The following GOLPH3L variants were observed in gnomAD, a reference collection of about 807,000 sequenced individuals.
The protein encoded by GOLPH3L is Golgi phosphoprotein 3-like.
GOLPH3L carries 22 observed loss-of-function variants against 30.3 expected under a neutral mutation model. The ratio of observed to expected loss-of-function variants is 0.73; its 90% CI spans 0.52 to 1.04. GOLPH3L has a LOEUF of 1.04. Among genes scored for constraint, GOLPH3L ranks in the 50% least tolerant of loss-of-function variants. The probability of loss-of-function intolerance (pLI) is 0.00; values close to 1 mark genes in which losing one functional copy is unlikely to be tolerated. For synonymous variants in GOLPH3L, 120 were observed against 128.2 expected (o/e 0.94, Z 0.43); for missense variants, 303 against 345.8 (o/e 0.88, Z 0.98).
At chr1:150,675,503 C>T (rs1650753626) in intron 2 of GOLPH3L, among the ~76,000 whole-genome samples, 1 of 151,954 alleles carries the variant, frequency 6.6e-6, no homozygotes, top group South Asian at 2.1e-4. Flanking sequence ...TGGGGCGTCC[C>T]TTCATAGCAA....
chr1:150,652,606 AG>A (rs1326599940), intron 4 of GOLPH3L, among the ~76,000 whole-genome samples: 1 of 152,098 alleles, frequency 6.6e-6, no homozygotes, highest in Non-Finnish European at 1.5e-5. Context: ...GTGAACAAAC[AG>A]TAAAAGTAAT....
chr1:150,667,591 CTTTCTTTTTTTTTT>C (rs1650536630), intron 2 of GOLPH3L, among the ~76,000 whole-genome samples: 1 of 141,004 alleles, frequency 7.1e-6, no homozygotes. Context: ...CTTTTTTTTT[CTTTCTTTTTTTTTT>C]TTTTTTGAGA....
intron 4 of GOLPH3L, among the ~76,000 whole-genome samples, chr1:150,659,668 C>G (rs1650325616): frequency 6.6e-6 from 1 of 152,078 alleles, no homozygotes; most frequent in African/African-American, 2.4e-5. Flanking sequence ...GTCTTTAATT[C>G]CTCTAGCGCC....
intron 2 of GOLPH3L, among the ~76,000 whole-genome samples, chr1:150,678,284 CAA>C (rs75131824): frequency 2.0e-4 from 9 of 45,928 alleles, no homozygotes; most frequent in South Asian, 1.5e-3. Flanking sequence ...AACTCCGTCT[CAA>C]AAAAAAAAAA....
chr1:150,668,374 T>C (rs1279454078), intron 2 of GOLPH3L, among the ~76,000 whole-genome samples: 1 of 152,046 alleles, frequency 6.6e-6, no homozygotes, highest in East Asian at 1.9e-4. Flanking sequence ...CAAGTCATAT[T>C]TGTTTTTTTG....
At chr1:150,675,035 G>A (rs1453325142) in intron 2 of GOLPH3L, among the ~76,000 whole-genome samples, 1 of 151,954 alleles carries the variant, frequency 6.6e-6, no homozygotes. Context: ...GTACCACCAC[G>A]TCTGGCTAAT....
Position 150,663,749 on chromosome 1 carries a change from G to A in GOLPH3L, c.198C>T (p.Phe66=). The A allele has an allele frequency of 1.2e-6, 2 of 1,613,482 alleles. No individual in the cohort carries two copies. The highest frequency in any genetic ancestry group is 1.7e-6 in the Non-Finnish European group (2 of 1,179,474). The part of the protein sequence containing the change: ...GLKDKEGYTS[F]WNDCISSGLR... ...GGCCTGATGATATGCAGTCATTCCA[G>A]AAAGATGTGTACCCCTAGGAAAGGA... The change falls in exon 3 of 5, where the codon TTC becomes TTT. Residue 66 remains phenylalanine (F), a synonymous_variant. Coordinates refer to ENST00000271732, the MANE Select transcript of GOLPH3L (RefSeq NM_018178.6).
chr1:150,683,589 G>A (rs1219748849), intron 2 of GOLPH3L, among the ~76,000 whole-genome samples: 3 of 141,352 alleles, frequency 2.1e-5, no homozygotes, highest in Non-Finnish European at 3.0e-5. Flanking sequence ...TGTAATCCCA[G>A]CTACTCGGGA....
intron 4 of GOLPH3L, among the ~76,000 whole-genome samples, chr1:150,655,766 G>GA (rs1395442332): frequency 9.9e-5 from 15 of 152,120 alleles, no homozygotes; most frequent in African/African-American, 3.4e-4. Context: ...TCGCAATTAA[G>GA]AAAAAATCAG....
intron 4 of GOLPH3L, among the ~76,000 whole-genome samples, chr1:150,654,392 G>A (rs901268188): frequency 6.6e-6 from 1 of 151,676 alleles, no homozygotes; most frequent in African/African-American, 2.4e-5. Flanking sequence ...TGTAATCCCT[G>A]CTACTCGGGA....
intron 2 of GOLPH3L, among the ~76,000 whole-genome samples, chr1:150,693,147 A>G (rs1004618043): frequency 6.6e-6 from 1 of 152,206 alleles, no homozygotes; most frequent in African/African-American, 2.4e-5. Flanking sequence ...CCAGGTACAC[A>G]TAAGCATGTC....
At chr1:150,662,101 G>A (rs1650381491) in intron 3 of GOLPH3L, among the ~76,000 whole-genome samples, 173 bp from the exon 4 acceptor site, 1 of 152,136 alleles carries the variant, frequency 6.6e-6, no homozygotes, top group African/African-American at 2.4e-5. Flanking sequence ...ATAGTGCAAA[G>A]ACAAAAATAA....
intron 2 of GOLPH3L, among the ~76,000 whole-genome samples, chr1:150,685,610 G>A (rs897313996): frequency 1.3e-5 from 2 of 152,098 alleles, no homozygotes; most frequent in Non-Finnish European, 2.9e-5. Flanking sequence ...AGCTACTCAG[G>A]AGGCTGAGGC....
In GOLPH3L at chr1:150,674,879, G is replaced by A. The variant is rs587679441; in HGVS notation, c.184-11116C>T. Among the ~76,000 whole-genome samples, 8 of 151,878 alleles carry A rather than the reference G, an allele frequency of 5.3e-5. 1 individual carries two copies. The South Asian group carries it at 1.2e-3, about 24-fold the overall frequency. ...TGCACTCTAGCCTGGGCAAGAGAGT[G>A]AGACCCTGTCTCAAAGGAAAAAAAA... is the stretch of plus-strand genomic sequence containing the variant. On this transcript the variant is annotated intron_variant, in intron 2 of 4. Coordinates refer to ENST00000271732, the MANE Select transcript of GOLPH3L (RefSeq NM_018178.6).
chr1:150,683,699 CAAAAAAAAAAAAA>C (rs397981524), intron 2 of GOLPH3L, among the ~76,000 whole-genome samples: 104 of 14,964 alleles, frequency 7.0e-3, no homozygotes, highest in South Asian at 0.024. Context: ...GACTCTCTCT[CAAAAAAAAAAAAA>C]AAAAAAAAAA....
Position 150,682,623 on chromosome 1 carries a change from CAAAAAAAA to C in GOLPH3L, c.183+12025_183+12032del, listed in dbSNP as rs145118551. Among the ~76,000 whole-genome samples the C allele has an allele frequency of 1.8e-4, 9 of 50,316 alleles. No individual in the cohort carries two copies. The South Asian group carries it at 4.2e-3, about 24-fold the overall frequency. The allele number at this position is 50,316 out of a possible 152,430, so 33.0% of individuals were successfully genotyped here. On this transcript the variant is annotated intron_variant, in intron 2 of 4. Coordinates refer to ENST00000271732, the MANE Select transcript of GOLPH3L (RefSeq NM_018178.6). ...CCAGTCTTGGTGACAGACTCTTTCT[CAAAAAAAA>C]AAAAAAAAAAAAAAAAAAAAAGTGT...
chr1:150,667,395 A>G (rs1443595612), intron 2 of GOLPH3L, among the ~76,000 whole-genome samples: 2 of 152,142 alleles, frequency 1.3e-5, no homozygotes, highest in African/African-American at 4.8e-5. Context: ...GTGTAATGAT[A>G]TAACTCCCTC....
rs752004586 is a variant in GOLPH3L, at chr1:150,685,675, G to A, written c.183+8981C>T. Among the ~76,000 whole-genome samples the A allele has an allele frequency of 1.3e-4, 20 of 151,854 alleles. No individual in the cohort carries two copies. The South Asian group carries it at 2.5e-3, about 19-fold the overall frequency. On this transcript the variant is annotated intron_variant, in intron 2 of 4. Coordinates refer to ENST00000271732, the MANE Select transcript of GOLPH3L (RefSeq NM_018178.6). Reference sequence around the variant, plus strand: ...GGTTGCAGTGGGTTGAGATCGCACCGCTGCACTCTAGCCTGGGCAACAGAA... The same window carrying A: ...GGTTGCAGTGGGTTGAGATCGCACCACTGCACTCTAGCCTGGGCAACAGAA...
At chr1:150,653,602 A>T (rs1438008660) in intron 4 of GOLPH3L, among the ~76,000 whole-genome samples, 8 of 151,550 alleles carry the variant, frequency 5.3e-5, no homozygotes, top group Non-Finnish European at 7.4e-5. Context: ...CTGGGACTAT[A>T]GGCATGTACC....
Sources: gnomAD v4.1 joint callset for allele counts (sites outside exome capture counted in the v4.1 genomes callset) on GRCh38, gnomAD v4.1.1 for gene constraint, MANE v1.5 for transcripts, NCBI Gene and HGNC (gene_info 2026-07-23, HGNC 2026-07-21) for gene names.